KIRREL3: variants seen among roughly 807,000 people sequenced by gnomAD.
KIRREL3 encodes the protein kin of IRRE-like protein 3.
In KIRREL3, 36 loss-of-function variants were observed where a neutral mutation model predicts 89.7. That is an observed-to-expected ratio of 0.40 (90% CI 0.31 to 0.53). The LOEUF (loss-of-function observed/expected upper bound fraction) is 0.53. Among genes scored for constraint, KIRREL3 ranks in the 20% least tolerant of loss-of-function variants. The pLI, the probability that KIRREL3 is intolerant of heterozygous loss-of-function variation, is 0.49. For synonymous variants in KIRREL3, 445 were observed against 441.4 expected, an observed-to-expected ratio of 1.01 and a Z score of -0.10; for missense variants, 864 against 1,056.6, an observed-to-expected ratio of 0.82 and a Z score of 2.53.
chr11:126,699,255 C>T (rs1208956488), intron 1 of KIRREL3, among the ~76,000 whole-genome samples: 3 of 152,218 alleles, frequency 2.0e-5, no homozygotes, highest in Non-Finnish European at 2.9e-5. Context: ...CTCCATCCAG[C>T]TTGTCCTCAC....
intron 11 of KIRREL3, 32 bp downstream of exon 11, chr11:126,440,417 C>T: frequency 1.3e-6 from 2 of 1,543,526 alleles, no homozygotes; most frequent in South Asian, 2.4e-5. Flanking sequence ...GCTGCTGGCC[C>T]GGCCCCCGCC....
At chr11:126,871,105 C>T (rs982512006) in intron 1 of KIRREL3, among the ~76,000 whole-genome samples, 1 of 152,208 alleles carries the variant, frequency 6.6e-6, no homozygotes, top group African/African-American at 2.4e-5. Flanking sequence ...CAAATGGACT[C>T]TTCGGAATCA....
At position 126,640,027 on chromosome 11, in the gene KIRREL3, A is replaced by G. The variant is rs916935778; in HGVS notation, c.56-77115T>C. Among the ~76,000 whole-genome samples, 6 of 152,246 alleles carry G rather than the reference A, an allele frequency of 3.9e-5. No individual in the cohort carries two copies. Among genetic ancestry groups the G allele is most frequent in the Non-Finnish European group, 7.3e-5 (5 of 68,040 alleles). ...TGCATGAATACTAAATAACTTCATTACGATCAGTACTGTGACAATGAATAT... is the reference window on the plus strand; with the variant it reads ...TGCATGAATACTAAATAACTTCATTGCGATCAGTACTGTGACAATGAATAT... On this transcript the variant is annotated intron_variant, in intron 1 of 16. Coordinates refer to ENST00000525144, the MANE Select transcript of KIRREL3 (RefSeq NM_032531.4). This position sits in a 1 kb window ranked among gnomAD's most constrained non-coding sequence, Gnocchi z 4.9.
At position 126,684,539 on chromosome 11, in the gene KIRREL3, T is replaced by C. The variant is rs1946594694; in HGVS notation, c.56-121627A>G. Among the ~76,000 whole-genome samples the C allele has an allele frequency of 6.6e-6, 1 of 152,174 alleles. No homozygotes were observed. The highest frequency in any genetic ancestry group is 1.5e-5 in the Non-Finnish European group (1 of 68,028). On this transcript the variant is annotated intron_variant, in intron 1 of 16. Coordinates refer to ENST00000525144, the MANE Select transcript of KIRREL3 (RefSeq NM_032531.4). This position sits in a 1 kb window ranked among gnomAD's most constrained non-coding sequence, Gnocchi z 4.2. ...CCATGCTATGATTTCATCTGGCCGA[T>C]GTGTCACTTCAGTATTCTGATGAAT...
In KIRREL3 at chr11:126,764,655, A is replaced by G. The variant is rs991463778; in HGVS notation, c.56-201743T>C. 2.6e-5 allele frequency among the ~76,000 whole-genome samples: 4 copies of G among 152,236 alleles called. No homozygotes were observed. The highest frequency in any genetic ancestry group is 2.6e-4 in the Admixed American group (4 of 15,280). Reference sequence around the variant, plus strand: ...AGTTTAGTTAATCTTTGGTTAGCACATGCACACGTGGGCACGTGCAAACTC... The same window carrying G: ...AGTTTAGTTAATCTTTGGTTAGCACGTGCACACGTGGGCACGTGCAAACTC... On this transcript the variant is annotated intron_variant, in intron 1 of 16. Coordinates refer to ENST00000525144, the MANE Select transcript of KIRREL3 (RefSeq NM_032531.4). The surrounding 1 kb of genome is among the most constrained non-coding windows in gnomAD (Gnocchi z 4.2).
At position 126,937,695 on chromosome 11, in the gene KIRREL3, C is replaced by A. The variant is rs568988844; in HGVS notation, c.55+62760G>T. On this transcript the variant is annotated intron_variant, in intron 1 of 16. Coordinates refer to ENST00000525144, the MANE Select transcript of KIRREL3 (RefSeq NM_032531.4). ...CGGGTGGATCACGAGGTCAGGAGAT[C>A]AAGACCATCCTGGCTAACACAGTGA... Among the ~76,000 whole-genome samples the A allele has an allele frequency of 1.1e-4, 17 of 151,990 alleles. No individual in the cohort carries two copies. The South Asian group carries it at 1.5e-3, about 13-fold the overall frequency.
intron 4 of KIRREL3, among the ~76,000 whole-genome samples, chr11:126,500,964 T>C (rs562033222): frequency 3.7e-4 from 57 of 152,316 alleles, no homozygotes; most frequent in Admixed American, 1.6e-3. Context: ...TTTGTCCACC[T>C]GTTTGCATCT....
At position 126,898,087 on chromosome 11, in the gene KIRREL3, C is replaced by T. The variant is rs190361651; in HGVS notation, c.55+102368G>A. On this transcript the variant is annotated intron_variant, in intron 1 of 16. Transcript: ENST00000525144. The surrounding 1 kb of genome is among the most constrained non-coding windows in gnomAD (Gnocchi z 4.9). ...TGGACAACTGTCTTGTAGAATCAAA[C>T]ATTTTATTTCAGGCATTCCCAGGTG... is the stretch of plus-strand genomic sequence containing the variant. Among the ~76,000 whole-genome samples the T allele has an allele frequency of 1.6e-4, 24 of 152,292 alleles. No homozygotes were observed. Among genetic ancestry groups the T allele is most frequent in the Non-Finnish European group, 3.4e-4 (23 of 68,016 alleles).
At position 126,992,863 on chromosome 11, in the gene KIRREL3, G is replaced by A. The variant is rs146260601; in HGVS notation, c.55+7592C>T. 1.5e-3 allele frequency among the ~76,000 whole-genome samples: 235 copies of A among 152,216 alleles called. 2 individuals carry two copies. The highest frequency in any genetic ancestry group is 5.3e-3 in the African/African-American group (219 of 41,536). ...TGCACTCTTTCTGCTCAAGTCCAGC[G>A]TGCAGCCAGCAGTCCTGCCTCTGTG... is the stretch of plus-strand genomic sequence containing the variant. On this transcript the variant is annotated intron_variant, in intron 1 of 16. Transcript: ENST00000525144.
rs921718375 is a variant in KIRREL3, at chr11:126,551,925, C to G, written c.133+10910G>C. On this transcript the variant is annotated intron_variant, in intron 2 of 16. Coordinates refer to ENST00000525144, the MANE Select transcript of KIRREL3 (RefSeq NM_032531.4). The surrounding 1 kb of genome is among the most constrained non-coding windows in gnomAD (Gnocchi z 4.9). ...CCTCCCAAAGTGCTGGGATTACAGG[C>G]GTGAGCCACTGTGCCCAGCCTGCAG... Among the ~76,000 whole-genome samples the G allele has an allele frequency of 6.6e-6, 1 of 152,188 alleles. No homozygotes were observed. Among genetic ancestry groups the G allele is most frequent in the Admixed American group, 6.5e-5 (1 of 15,286 alleles).
intron 1 of KIRREL3, among the ~76,000 whole-genome samples, chr11:126,762,367 C>T (rs967402892): frequency 6.6e-6 from 1 of 152,076 alleles, no homozygotes; most frequent in Non-Finnish European, 1.5e-5. Context: ...GAACTAGTGC[C>T]AACTGAGACA....
At chr11:126,434,822 A>T (rs1030796098) in intron 13 of KIRREL3, among the ~76,000 whole-genome samples, 13 of 152,292 alleles carry the variant, frequency 8.5e-5, no homozygotes, top group Admixed American at 6.5e-4. Flanking sequence ...TGCACAAGCC[A>T]CAGCAGGGGC....
chr11:126,776,705 G>A lies in KIRREL3; in HGVS notation c.56-213793C>T, dbSNP rs1950178777. Among the ~76,000 whole-genome samples, 1 of 152,200 alleles carries A rather than the reference G, an allele frequency of 6.6e-6. No homozygotes were observed. Among genetic ancestry groups the A allele is most frequent in the South Asian group, 2.1e-4 (1 of 4,838 alleles). ...TGTTAAAACCTTGTGGTAATCCAAA[G>A]AGAACAGAGGGAATGCTTATGGAAC... On this transcript the variant is annotated intron_variant, in intron 1 of 16. Coordinates refer to ENST00000525144, the MANE Select transcript of KIRREL3 (RefSeq NM_032531.4). This position sits in a 1 kb window ranked among gnomAD's most constrained non-coding sequence, Gnocchi z 4.7.
At position 126,906,036 on chromosome 11, in the gene KIRREL3, C is replaced by T. The variant is rs1946568862; in HGVS notation, c.55+94419G>A. ...CTGCTGAAGCAGATGCTTTGTAGAA[C>T]AAAATGCCAGGCCGACTTCAAGGCC... On this transcript the variant is annotated intron_variant, in intron 1 of 16. Transcript: ENST00000525144. The surrounding 1 kb of genome is among the most constrained non-coding windows in gnomAD (Gnocchi z 4.1). Among the ~76,000 whole-genome samples the T allele has an allele frequency of 6.6e-6, 1 of 152,194 alleles. No individual in the cohort carries two copies. The highest frequency in any genetic ancestry group is 1.5e-5 in the Non-Finnish European group (1 of 68,036).
chr11:126,962,848 C>T (rs373347773), intron 1 of KIRREL3, among the ~76,000 whole-genome samples: 7 of 152,174 alleles, frequency 4.6e-5, no homozygotes, highest in East Asian at 1.9e-4. Flanking sequence ...CAGTCGTCAA[C>T]ACTAAGGCAA....
In KIRREL3 at chr11:126,574,731, T is replaced by G. The variant is rs2134640604; in HGVS notation, c.56-11819A>C. Among the ~76,000 whole-genome samples, 1 of 152,288 alleles carries G rather than the reference T, an allele frequency of 6.6e-6. No homozygotes were observed. The highest frequency in any genetic ancestry group is 1.9e-4 in the East Asian group (1 of 5,180). Reference sequence around the variant, plus strand: ...GAAGGAATTCCAGACTTGAGATGGCTCCTTAGACTTAAATCTCCCTTGAAA... The same window carrying G: ...GAAGGAATTCCAGACTTGAGATGGCGCCTTAGACTTAAATCTCCCTTGAAA... On this transcript the variant is annotated intron_variant, in intron 1 of 16. Coordinates refer to ENST00000525144, the MANE Select transcript of KIRREL3 (RefSeq NM_032531.4). The surrounding 1 kb of genome is among the most constrained non-coding windows in gnomAD (Gnocchi z 5.3).
chr11:126,442,327 CA>C (rs1955606600), intron 10 of KIRREL3, among the ~76,000 whole-genome samples: 2 of 115,804 alleles, frequency 1.7e-5, no homozygotes, highest in Non-Finnish European at 1.8e-5. Flanking sequence ...CACACACACA[CA>C]CACACACACA....
chr11:126,924,529 CT>C lies in KIRREL3; in HGVS notation c.55+75925del, dbSNP rs1947614519. ...CTTGCCCGTTTGCAACAAGGAACATCTTTGGCTTCACACACCCGACCCACAG... is the reference window on the plus strand; with the variant it reads ...CTTGCCCGTTTGCAACAAGGAACATCTTGGCTTCACACACCCGACCCACAG... On this transcript the variant is annotated intron_variant, in intron 1 of 16. Coordinates refer to ENST00000525144, the MANE Select transcript of KIRREL3 (RefSeq NM_032531.4). The surrounding 1 kb of genome is among the most constrained non-coding windows in gnomAD (Gnocchi z 4.7). Among the ~76,000 whole-genome samples the C allele has an allele frequency of 6.6e-6, 1 of 152,218 alleles. No homozygotes were observed. The highest frequency in any genetic ancestry group is 1.5e-5 in the Non-Finnish European group (1 of 68,030).
rs1261607389 is a variant in KIRREL3 at position 126,515,682 on chromosome 11, G to C, written c.433+5633C>G. On this transcript the variant is annotated intron_variant, in intron 4 of 16. Coordinates refer to ENST00000525144, the MANE Select transcript of KIRREL3 (RefSeq NM_032531.4). This position sits in a 1 kb window ranked among gnomAD's most constrained non-coding sequence, Gnocchi z 4.2. ...ATGCCAGCTGCTTGTTAGTGCGGGA[G>C]CAGGTTGGCGGTGGGTCTGAGGCTG... 2.0e-5 allele frequency among the ~76,000 whole-genome samples: 3 copies of C among 152,158 alleles called. No individual in the cohort carries two copies. The highest frequency in any genetic ancestry group is 7.2e-5 in the African/African-American group (3 of 41,436).
Sources: allele counts gnomAD v4.1 joint callset (sites outside exome capture counted in the v4.1 genomes callset), GRCh38; gene constraint gnomAD v4.1.1; non-coding constraint Gnocchi (gnomAD v3.1); transcripts MANE v1.5; gene names NCBI Gene and HGNC (gene_info 2026-07-23, HGNC 2026-07-21).